The following TSC22D1 variants were observed in gnomAD, a reference collection of about 807,000 sequenced individuals.
TSC22D1 encodes the protein TSC22 domain family protein 1.
A neutral mutation model predicts 74.2 loss-of-function variants in TSC22D1; 9 were observed. The observed-to-expected ratio is 0.12, with a 90% CI of 0.07 to 0.21. The LOEUF is 0.21. Ranked by LOEUF, TSC22D1 falls within the 10% of genes least tolerant of loss-of-function variation. TSC22D1 has a pLI of 1.00. For synonymous variants in TSC22D1, 586 were observed against 492.5 expected (o/e 1.19, Z -2.51); for missense variants, 1,427 against 1,304.7 (o/e 1.09, Z -1.44).
chr13:44,569,173 CTAT>C (rs1194393361), intron 1 of TSC22D1, among the ~76,000 whole-genome samples: 3 of 152,238 alleles, frequency 2.0e-5, no homozygotes, highest in East Asian at 1.9e-4. Flanking sequence ...GAGGTAACTA[CTAT>C]TGTCATCATT....
At chr13:44,533,720 T>C (rs568468602) in intron 1 of TSC22D1, among the ~76,000 whole-genome samples, 30 of 152,170 alleles carry the variant, frequency 2.0e-4, no homozygotes, top group Admixed American at 1.0e-3. Context: ...GAGGTGGTGG[T>C]TGCAGTGAGC....
intron 1 of TSC22D1, among the ~76,000 whole-genome samples, chr13:44,454,634 T>G (rs1876421095): frequency 6.6e-6 from 1 of 152,228 alleles, no homozygotes; most frequent in Non-Finnish European, 1.5e-5. Context: ...GGCAGAAGTT[T>G]TGTTTACTAA....
At chr13:44,444,833 A>G (rs1875507933) in intron 1 of TSC22D1, among the ~76,000 whole-genome samples, 1 of 152,184 alleles carries the variant, frequency 6.6e-6, no homozygotes, top group African/African-American at 2.4e-5. Context: ...ACAAATTCTT[A>G]TAAAGACACA....
rs965291424 is a variant in TSC22D1 at position 44,576,159 on chromosome 13, A to G, written c.-85T>C. On this transcript the variant is annotated 5_prime_UTR_variant, in exon 1 of 3. Coordinates refer to ENST00000458659, the MANE Select transcript of TSC22D1 (RefSeq NM_183422.4). ...TTGTATTGGAGACGCCGGAGAGGAA[A>G]ACGGGACCTGACGCTCCGCCTGGCG... 3 of 1,372,450 alleles carry G rather than the reference A, an allele frequency of 2.2e-6. No individual in the cohort carries two copies. The highest frequency in any genetic ancestry group is 1.5e-5 in the African/African-American group (1 of 67,100). 85.0% of individuals were successfully genotyped at this position (1,372,450 alleles called of 1,614,324 possible).
chr13:44,501,509 G>A (rs1218426082), intron 1 of TSC22D1, among the ~76,000 whole-genome samples: 1 of 152,172 alleles, frequency 6.6e-6, no homozygotes, highest in Non-Finnish European at 1.5e-5. Context: ...CCCTGGCATT[G>A]AAATGGAACT....
intron 1 of TSC22D1, among the ~76,000 whole-genome samples, chr13:44,550,074 C>T (rs1303359011): frequency 2.0e-5 from 3 of 151,646 alleles, no homozygotes; most frequent in Admixed American, 6.6e-5. Flanking sequence ...AAAATGTTGC[C>T]AAAAAGAAAA....
intron 1 of TSC22D1, among the ~76,000 whole-genome samples, chr13:44,569,716 A>G (rs1389302200): frequency 2.0e-5 from 3 of 152,216 alleles, no homozygotes; most frequent in Admixed American, 2.0e-4. Context: ...GATGAGAGAT[A>G]CAAAAAAGCA....
intron 1 of TSC22D1, among the ~76,000 whole-genome samples, chr13:44,534,276 G>GA (rs1881021641): frequency 1.4e-5 from 2 of 138,710 alleles, no homozygotes; most frequent in South Asian, 4.7e-4. Flanking sequence ...GCCTGTAGCA[G>GA]AAAAAACTGA....
chr13:44,515,305 T>A (rs1879925836), intron 1 of TSC22D1, among the ~76,000 whole-genome samples: 1 of 150,226 alleles, frequency 6.7e-6, no homozygotes, highest in Admixed American at 6.6e-5. Context: ...TCTACAACTA[T>A]TTTTTTTTTA....
chr13:44,441,286 C>T (rs1380160114), intron 1 of TSC22D1, among the ~76,000 whole-genome samples: 2 of 152,176 alleles, frequency 1.3e-5, no homozygotes, highest in African/African-American at 4.8e-5. Flanking sequence ...GATTATCTAA[C>T]ACATCTAAGC....
intron 1 of TSC22D1, among the ~76,000 whole-genome samples, chr13:44,450,596 C>T (rs182299187): frequency 5.3e-5 from 8 of 152,200 alleles, no homozygotes; most frequent in South Asian, 4.2e-4. Context: ...TAGAACTGAC[C>T]GAACTGGCTT....
chr13:44,436,662 A>C lies in TSC22D1; in HGVS notation c.2913-567T>G, dbSNP rs753753301. The C allele has an allele frequency of 1.9e-5, 30 of 1,599,892 alleles. No homozygotes were observed. The African/African-American group carries it at 2.3e-4, about 12-fold the overall frequency. On this transcript the variant is annotated intron_variant, in intron 1 of 2. Transcript: ENST00000458659. ...AGCCAAAAACACCCTCGTGGAAAAA[A>C]AGAGGGAACACCAGCAGCCTTGTAT...
At chr13:44,535,877 A>G (rs1454054055) in intron 1 of TSC22D1, among the ~76,000 whole-genome samples, 3 of 151,896 alleles carry the variant, frequency 2.0e-5, no homozygotes, top group African/African-American at 4.8e-5. Context: ...TATCTTTGCA[A>G]TATTTTTCAG....
Position 44,434,335 on chromosome 13 carries a change from C to A in TSC22D1, c.*291G>T. 7.2e-7 allele frequency: 1 copy of A among 1,379,420 alleles called. No homozygotes were observed. Among genetic ancestry groups the A allele is most frequent in the Non-Finnish European group, 9.3e-7 (1 of 1,076,398 alleles). The allele number at this position is 1,379,420 out of a possible 1,614,324, so 85.4% of individuals were successfully genotyped here. On this transcript the variant is annotated 3_prime_UTR_variant, in exon 3 of 3. Coordinates refer to ENST00000458659, the MANE Select transcript of TSC22D1 (RefSeq NM_183422.4). ...CCGGAAGGGATGGAAAGGCACACAG[C>A]TCCTGAGCATGAATTAAACCATTTC...
intron 1 of TSC22D1, chr13:44,474,314 T>G (rs1042644768): frequency 2.0e-6 from 2 of 983,928 alleles, no homozygotes; most frequent in African/African-American, 3.5e-5. Context: ...CTGACACTCC[T>G]GGTGGACAAA....
intron 1 of TSC22D1, 50 bp from the exon 2 acceptor site, chr13:44,436,145 G>A (rs775376972): frequency 1.9e-5 from 30 of 1,581,734 alleles, no homozygotes; most frequent in Non-Finnish European, 2.3e-5. Flanking sequence ...TTTATCTTAA[G>A]CTTCCAAGAT....
chr13:44,491,161 C>T (rs949724093), intron 1 of TSC22D1, among the ~76,000 whole-genome samples: 2 of 151,320 alleles, frequency 1.3e-5, no homozygotes, highest in African/African-American at 2.4e-5. Context: ...AGCAAGACTC[C>T]GTCTCAAAAA....
chr13:44,461,462 G>C (rs1876992563), intron 1 of TSC22D1, among the ~76,000 whole-genome samples: 1 of 152,144 alleles, frequency 6.6e-6, no homozygotes, highest in Non-Finnish European at 1.5e-5. Flanking sequence ...AAGCATAAGA[G>C]AAGGTAACCG....
At chr13:44,505,655 C>G (rs1179400116) in intron 1 of TSC22D1, among the ~76,000 whole-genome samples, 1 of 152,134 alleles carries the variant, frequency 6.6e-6, no homozygotes, top group Non-Finnish European at 1.5e-5. Flanking sequence ...TAAATTATCC[C>G]AGAAAAAACT....
Sources: allele counts gnomAD v4.1 joint callset (sites outside exome capture counted in the v4.1 genomes callset), GRCh38; gene constraint gnomAD v4.1.1; transcripts MANE v1.5; gene names NCBI Gene and HGNC (gene_info 2026-07-23, HGNC 2026-07-21).